The following SNRPN variants were observed in gnomAD, a reference collection of about 807,000 sequenced individuals.
The protein encoded by SNRPN is small nuclear ribonucleoprotein-associated protein N.
SNRPN carries 7 observed loss-of-function variants against 25.2 expected under a neutral mutation model. The ratio of observed to expected loss-of-function variants is 0.28; its 90% CI spans 0.16 to 0.52. The LOEUF (loss-of-function observed/expected upper bound fraction) is 0.52, where lower values mean the gene tolerates loss of function less well. Ranked by LOEUF, SNRPN falls within the 20% of genes least tolerant of loss-of-function variation. The probability of loss-of-function intolerance (pLI) is 0.96; values close to 1 mark genes in which losing one functional copy is unlikely to be tolerated. For missense variants in SNRPN, 196 were observed against 322.5 expected, an observed-to-expected ratio of 0.61 and a Z score of 3.00; for synonymous variants, 124 against 110.6, an observed-to-expected ratio of 1.12 and a Z score of -0.76.
chr15:24,870,133 T>G (rs1255565699), intron 1 of SNRPN, among the ~76,000 whole-genome samples: 1 of 152,142 alleles, frequency 6.6e-6, no homozygotes, highest in Non-Finnish European at 1.5e-5. Flanking sequence ...TGTTTCATAG[T>G]TTCTTACTTT....
intron 1 of SNRPN, among the ~76,000 whole-genome samples, chr15:24,883,801 C>T (rs1035727725): frequency 6.6e-6 from 1 of 151,530 alleles, no homozygotes; most frequent in Non-Finnish European, 1.5e-5. Context: ...CACTTGAGGT[C>T]AGGAATTTGA....
At chr15:24,836,939 C>A (rs898316304) in intron 2 of SNRPN, among the ~76,000 whole-genome samples, 1 of 152,062 alleles carries the variant, frequency 6.6e-6, no homozygotes, top group African/African-American at 2.4e-5. Flanking sequence ...GGGCATAGGG[C>A]AGAATACCTG....
chr15:24,941,062 C>T (rs541213617), intron 3 of SNRPN, among the ~76,000 whole-genome samples: 4 of 152,292 alleles, frequency 2.6e-5, no homozygotes, highest in East Asian at 1.9e-4. Context: ...CTGCAACCTT[C>T]GCCTCCCAGG....
intron 2 of SNRPN, among the ~76,000 whole-genome samples, chr15:24,837,559 C>G (rs546077634): frequency 6.6e-6 from 1 of 151,398 alleles, no homozygotes; most frequent in Non-Finnish European, 1.5e-5. Flanking sequence ...TTGGTAGAGA[C>G]GGGGTTTCAC....
At chr15:24,958,306 C>T (rs1231279832) in intron 1 of SNRPN, among the ~76,000 whole-genome samples, 1 of 151,570 alleles carries the variant, frequency 6.6e-6, no homozygotes, top group East Asian at 1.9e-4. Context: ...ATCATTTAAG[C>T]AGGTTGTGAG....
At chr15:24,937,177 A>G (rs2061284152) in intron 3 of SNRPN, among the ~76,000 whole-genome samples, 1 of 152,004 alleles carries the variant, frequency 6.6e-6, no homozygotes, top group Non-Finnish European at 1.5e-5. Flanking sequence ...GGAGCCGGAG[A>G]TTGCAGCAAG....
chr15:24,910,143 A>G (rs951320544), intron 2 of SNRPN, among the ~76,000 whole-genome samples: 9 of 152,308 alleles, frequency 5.9e-5, no homozygotes, highest in Non-Finnish European at 1.2e-4. Flanking sequence ...CTGCCCTGCC[A>G]CAAACTTGGT....
intron 1 of SNRPN, among the ~76,000 whole-genome samples, chr15:24,863,792 A>C (rs2054247849): frequency 6.7e-6 from 1 of 150,330 alleles, no homozygotes; most frequent in East Asian, 2.0e-4. Context: ...TTCCTAGTTA[A>C]CTGTGGACAC....
chr15:24,864,781 G>T (rs946937729), intron 1 of SNRPN, among the ~76,000 whole-genome samples: 1 of 151,944 alleles, frequency 6.6e-6, no homozygotes, highest in Non-Finnish European at 1.5e-5. Flanking sequence ...TTTCTCTTGA[G>T]ATTTCTTGCA....
upstream of SNRPN, among the ~76,000 whole-genome samples, chr15:24,854,447 G>C (rs2053192897): frequency 6.6e-6 from 1 of 152,162 alleles, no homozygotes; most frequent in South Asian, 2.1e-4. Context: ...GAGAACTGTT[G>C]TGAATTAAAG....
intron 3 of SNRPN, among the ~76,000 whole-genome samples, chr15:24,945,392 G>C (rs917048493): frequency 6.7e-6 from 1 of 149,352 alleles, no homozygotes; most frequent in South Asian, 2.1e-4. Flanking sequence ...GCAATGGTAG[G>C]TACCTGTGCA....
intron 2 of SNRPN, among the ~76,000 whole-genome samples, chr15:24,900,938 T>A (rs926661645): frequency 5.3e-5 from 8 of 151,812 alleles, no homozygotes; most frequent in Non-Finnish European, 1.0e-4. Flanking sequence ...CTACAAAAAA[T>A]AAATAAATAA....
At chr15:24,936,413 C>T (rs146120076) in intron 3 of SNRPN, among the ~76,000 whole-genome samples, 7 of 152,158 alleles carry the variant, frequency 4.6e-5, no homozygotes, top group Non-Finnish European at 7.4e-5. Context: ...TTGGCAGAAA[C>T]GGAGTCAGAT....
At chr15:24,863,428 T>G (rs1407190978) in intron 1 of SNRPN, among the ~76,000 whole-genome samples, 1 of 149,880 alleles carries the variant, frequency 6.7e-6, no homozygotes, top group Admixed American at 6.6e-5. Flanking sequence ...TGCAGCCTTG[T>G]AGGCCACTGT....
chr15:24,889,448 G>A (rs923392889), intron 2 of SNRPN, among the ~76,000 whole-genome samples: 2 of 151,800 alleles, frequency 1.3e-5, no homozygotes, highest in South Asian at 2.1e-4. Flanking sequence ...GACTACAGGC[G>A]CCTGCCACCA....
intron 3 of SNRPN, among the ~76,000 whole-genome samples, chr15:24,939,788 C>CTTT (rs775589448): frequency 7.6e-6 from 1 of 131,158 alleles, no homozygotes; most frequent in Non-Finnish European, 1.6e-5. Context: ...TAGAATTCTT[C>CTTT]TTTTTTTTTT....
At position 24,881,442 on chromosome 15, in the gene SNRPN, A is replaced by G. The variant is rs538982660; in HGVS notation, c.-578-5074A>G. ...GCTACTTGGGAGGCTGAGGCAGGAGAATTGCTTGAACCTGGGAGGCAGAGG... is the reference window on the plus strand; with the variant it reads ...GCTACTTGGGAGGCTGAGGCAGGAGGATTGCTTGAACCTGGGAGGCAGAGG... On this transcript the variant is annotated intron_variant, in intron 1 of 11. Transcript: ENST00000400097. Among the ~76,000 whole-genome samples the G allele has an allele frequency of 2.0e-5, 3 of 151,452 alleles. No homozygotes were observed. The South Asian group carries it at 6.3e-4, about 32-fold the overall frequency.
chr15:24,955,628 C>T (rs1385810873), intron 1 of SNRPN, among the ~76,000 whole-genome samples: 3 of 112,292 alleles, frequency 2.7e-5, no homozygotes, highest in Admixed American at 1.1e-4. Flanking sequence ...TCGCAGTGAC[C>T]GAGGCGAGGA....
intron 1 of SNRPN, among the ~76,000 whole-genome samples, chr15:24,876,845 T>G (rs1326625864): frequency 6.6e-6 from 1 of 151,986 alleles, no homozygotes; most frequent in South Asian, 2.1e-4. Flanking sequence ...ATGTATAGAA[T>G]GCAAAAAAAA....
Sources: gnomAD v4.1 joint callset for allele counts (sites outside exome capture counted in the v4.1 genomes callset) on GRCh38, gnomAD v4.1.1 for gene constraint, MANE v1.5 for transcripts, NCBI Gene and HGNC (gene_info 2026-07-23, HGNC 2026-07-21) for gene names.